The following ADGRV1 variants were observed in gnomAD, a reference collection of about 807,000 sequenced individuals.
ADGRV1 encodes the protein adhesion G protein-coupled receptor V1.
A neutral mutation model predicts 596.2 loss-of-function variants in ADGRV1; 359 were observed. That is an observed-to-expected ratio of 0.60 (90% CI 0.55 to 0.66). The LOEUF (loss-of-function observed/expected upper bound fraction) is 0.66, where lower values mean the gene tolerates loss of function less well. Among genes scored for constraint, ADGRV1 ranks in the 30% least tolerant of loss-of-function variants. The pLI is 0.00. For synonymous variants in ADGRV1, 2,681 were observed against 2,679.2 expected (o/e 1.00, Z -0.02); for missense variants, 7,274 against 7,575.6 (o/e 0.96, Z 1.48).
chr5:90,868,114 C>G (rs1305910875), intron 83 of ADGRV1, among the ~76,000 whole-genome samples: 4 of 151,998 alleles, frequency 2.6e-5, no homozygotes, highest in Non-Finnish European at 4.4e-5. Flanking sequence ...GAGTCTATGG[C>G]GGGTTTCCGG....
intron 1 of ADGRV1, among the ~76,000 whole-genome samples, chr5:90,595,797 C>A (rs1412341315): frequency 6.9e-6 from 1 of 145,134 alleles, no homozygotes; most frequent in Non-Finnish European, 1.5e-5. Context: ...GGCTGACCCC[C>A]CCACCTCCCT....
At chr5:90,605,596 TATC>T (rs1319021639) in intron 1 of ADGRV1, among the ~76,000 whole-genome samples, 1 of 152,180 alleles carries the variant, frequency 6.6e-6, no homozygotes, top group Non-Finnish European at 1.5e-5. Flanking sequence ...CAATTTGTGA[TATC>T]ATGGTTACTT....
At chr5:90,910,585 A>G (rs1381491161) in intron 83 of ADGRV1, among the ~76,000 whole-genome samples, 1 of 117,088 alleles carries the variant, frequency 8.5e-6, no homozygotes, top group Non-Finnish European at 2.0e-5. Context: ...CTATCTATCT[A>G]TCTATCTATC....
Position 90,707,864 on chromosome 5 carries a change from T to C in ADGRV1, c.8731-952T>C, listed in dbSNP as rs78666623. On this transcript the variant is annotated intron_variant, in intron 38 of 89. Transcript: ENST00000405460. The stretch of plus-strand genomic sequence containing the variant: ...TTAAGAGACTGCAGGCCTATGCATA[T>C]AGGAGCAAGCTGCCCTGGGGAGTGG... 5.6e-4 allele frequency among the ~76,000 whole-genome samples: 85 copies of C among 152,074 alleles called. 1 individual carries two copies. In the East Asian group the frequency reaches 0.012, roughly 21 times the overall value.
intron 52 of ADGRV1, among the ~76,000 whole-genome samples, chr5:90,748,710 C>CA (rs2149934379): frequency 6.6e-6 from 1 of 152,144 alleles, no homozygotes; most frequent in South Asian, 2.1e-4. Context: ...CCAGAAAGAT[C>CA]ACTGATGGAA....
chr5:90,988,593 A>G (rs1331197789), intron 85 of ADGRV1, among the ~76,000 whole-genome samples: 5 of 151,706 alleles, frequency 3.3e-5, no homozygotes, highest in Non-Finnish European at 7.4e-5. Flanking sequence ...CCCATATTAT[A>G]TATTCAAATG....
intron 87 of ADGRV1, among the ~76,000 whole-genome samples, chr5:91,115,157 T>C (rs899305062): frequency 1.3e-5 from 2 of 152,220 alleles, no homozygotes; most frequent in Admixed American, 1.3e-4. Flanking sequence ...TCTTGTGTTA[T>C]TGGTTTTGTT....
intron 21 of ADGRV1, among the ~76,000 whole-genome samples, chr5:90,666,560 A>G (rs923324042): frequency 1.1e-5 from 1 of 88,124 alleles, no homozygotes; most frequent in Non-Finnish European, 2.2e-5. Flanking sequence ...GGTCTTGACT[A>G]TCCAATTTGC....
At chr5:90,597,283 A>G (rs528920690) in intron 1 of ADGRV1, among the ~76,000 whole-genome samples, 1 of 152,352 alleles carries the variant, frequency 6.6e-6, no homozygotes, top group African/African-American at 2.4e-5. Flanking sequence ...GTAAATATCA[A>G]TGGGGAAAGT....
At chr5:90,760,011 A>G (rs1756328525) in intron 58 of ADGRV1, 1 of 153,030 alleles carries the variant, frequency 6.5e-6, no homozygotes, top group Admixed American at 7.0e-5. Context: ...GCAGTGGCTC[A>G]TGCCTGTAAT....
intron 83 of ADGRV1, among the ~76,000 whole-genome samples, chr5:90,928,757 G>C (rs893969964): frequency 6.6e-6 from 1 of 151,688 alleles, no homozygotes; most frequent in African/African-American, 2.4e-5. Context: ...CCCCATCTTT[G>C]TGTTTTTATC....
intron 83 of ADGRV1, among the ~76,000 whole-genome samples, chr5:90,897,790 C>T (rs1045906381): frequency 3.9e-5 from 6 of 152,110 alleles, no homozygotes; most frequent in Non-Finnish European, 1.5e-5. Flanking sequence ...TCCCTTCTGC[C>T]GTGCCTTTAG....
chr5:90,987,661 A>C (rs1281593603), intron 85 of ADGRV1, among the ~76,000 whole-genome samples: 1 of 151,988 alleles, frequency 6.6e-6, no homozygotes, highest in East Asian at 1.9e-4. Flanking sequence ...ATACTAAAAT[A>C]TTGTATACTT....
intron 50 of ADGRV1, among the ~76,000 whole-genome samples, chr5:90,739,848 T>C (rs1200367020): frequency 6.6e-6 from 1 of 152,210 alleles, no homozygotes; most frequent in African/African-American, 2.4e-5. Flanking sequence ...CCTCCCATAC[T>C]AGGGTAACCT....
At chr5:90,771,720 A>G (rs1757710867) in intron 59 of ADGRV1, among the ~76,000 whole-genome samples, 1 of 152,174 alleles carries the variant, frequency 6.6e-6, no homozygotes, top group African/African-American at 2.4e-5. Flanking sequence ...ACCATTTCTC[A>G]AACTGTTGCT....
chr5:91,002,989 A>G (rs373423602), intron 85 of ADGRV1, among the ~76,000 whole-genome samples: 8 of 152,278 alleles, frequency 5.3e-5, no homozygotes, highest in South Asian at 2.1e-4. Flanking sequence ...TCAGCCCCCC[A>G]GTAGACTCTA....
At chr5:90,605,007 C>T (rs1439641637) in intron 1 of ADGRV1, among the ~76,000 whole-genome samples, 1 of 152,098 alleles carries the variant, frequency 6.6e-6, no homozygotes, top group Non-Finnish European at 1.5e-5. Context: ...CATATGTAGT[C>T]CAAATATAAA....
intron 1 of ADGRV1, among the ~76,000 whole-genome samples, chr5:90,578,984 T>G (rs1432427823): frequency 6.6e-6 from 1 of 152,016 alleles, no homozygotes; most frequent in African/African-American, 2.4e-5. Flanking sequence ...GTCTATTTGA[T>G]TCTTCTCTCT....
chr5:90,717,430 G>GTTT (rs1158358801), intron 43 of ADGRV1: 3 of 83,700 alleles, frequency 3.6e-5, no homozygotes, highest in Admixed American at 1.5e-4. Flanking sequence ...TTGCAAATGT[G>GTTT]ATTTTTTTTT....
Sources: allele counts gnomAD v4.1 joint callset (sites outside exome capture counted in the v4.1 genomes callset), GRCh38; gene constraint gnomAD v4.1.1; transcripts MANE v1.5; gene names NCBI Gene and HGNC (gene_info 2026-07-23, HGNC 2026-07-21).